Variants in SLC15A1 observed in about 807,000 individuals in gnomAD.
SLC15A1 encodes Caco-2 oligopeptide transporter.
Under a neutral mutation model 92.9 loss-of-function variants are expected in SLC15A1, and 83 were observed. The observed-to-expected ratio is 0.89, with a 90% CI of 0.75 to 1.07. The LOEUF is 1.07. Ranked by LOEUF, SLC15A1 falls within the 50% of genes least tolerant of loss-of-function variation. The pLI, the probability that SLC15A1 is intolerant of heterozygous loss-of-function variation, is 0.00. For missense variants in SLC15A1, 857 were observed against 880.1 expected (o/e 0.97, Z 0.33); for synonymous variants, 322 against 318.2 (o/e 1.01, Z -0.13).
intron 1 of SLC15A1, among the ~76,000 whole-genome samples, chr13:98,729,572 C>A (rs974057971): frequency 2.6e-5 from 4 of 152,214 alleles, no homozygotes; most frequent in Non-Finnish European, 4.4e-5. Flanking sequence ...ACCACGCCAG[C>A]TATCCAGAGC....
At chr13:98,694,509 G>A (rs2088006291) in intron 18 of SLC15A1, among the ~76,000 whole-genome samples, 1 of 151,744 alleles carries the variant, frequency 6.6e-6, no homozygotes, top group Non-Finnish European at 1.5e-5. Context: ...TACATAGTGG[G>A]TGCATGCTCA....
At position 98,728,057 on chromosome 13, in the gene SLC15A1, G is replaced by T. The variant is rs865832969; in HGVS notation, c.5-1198C>A. On this transcript the variant is annotated intron_variant, in intron 1 of 22. Coordinates refer to ENST00000376503, the MANE Select transcript of SLC15A1 (RefSeq NM_005073.4). Reference sequence around the variant, plus strand: ...TTCTAACAAGCTCCCAGGTGTGGGTGCTGCCACTGGTCCAGGCAGTGTGCT... The same window carrying T: ...TTCTAACAAGCTCCCAGGTGTGGGTTCTGCCACTGGTCCAGGCAGTGTGCT... Among the ~76,000 whole-genome samples the T allele has an allele frequency of 7.9e-5, 12 of 152,346 alleles. No individual in the cohort carries two copies. The South Asian group carries it at 2.1e-3, about 26-fold the overall frequency.
intron 15 of SLC15A1, 99 bp from the exon 16 acceptor site, chr13:98,706,352 G>A (rs543112654): frequency 1.5e-6 from 2 of 1,366,556 alleles, no homozygotes; most frequent in African/African-American, 3.0e-5. Flanking sequence ...GCTGGGAAAA[G>A]CTGCGCTGGC....
At chr13:98,734,408 T>A (rs2088373965) in intron 1 of SLC15A1, among the ~76,000 whole-genome samples, 1 of 152,140 alleles carries the variant, frequency 6.6e-6, no homozygotes, top group Non-Finnish European at 1.5e-5. Flanking sequence ...GAGATGAACC[T>A]GGTTCATCTC....
rs183021006 is a variant in SLC15A1, at chr13:98,724,324, C to A, written c.246-293G>T. ...TTCGACACCAGCCTGGGCAACATAG[C>A]AAGACCCCATCTCAACAAAAAAATA... On this transcript the variant is annotated intron_variant, in intron 4 of 22. Transcript: ENST00000376503. Among the ~76,000 whole-genome samples, 26 of 152,192 alleles carry A rather than the reference C, an allele frequency of 1.7e-4. No individual in the cohort carries two copies. In the East Asian group the frequency reaches 5.0e-3, roughly 29 times the overall value.
chr13:98,728,817 C>T (rs1433767577), intron 1 of SLC15A1, among the ~76,000 whole-genome samples: 2 of 151,390 alleles, frequency 1.3e-5, no homozygotes, highest in Non-Finnish European at 2.9e-5. Context: ...CCCATCTCTA[C>T]TAAAAACACA....
intron 1 of SLC15A1, among the ~76,000 whole-genome samples, chr13:98,746,539 C>G (rs1199287695): frequency 6.6e-6 from 1 of 152,120 alleles, no homozygotes; most frequent in Non-Finnish European, 1.5e-5. Context: ...AAAGGAAAAA[C>G]GTTTATTTCC....
At chr13:98,731,636 G>C (rs976947495) in intron 1 of SLC15A1, among the ~76,000 whole-genome samples, 2 of 152,114 alleles carry the variant, frequency 1.3e-5, no homozygotes, top group Non-Finnish European at 1.5e-5. Context: ...TGTTCCCAGG[G>C]CTTCATCACA....
chr13:98,695,168 C>T (rs896726946), intron 18 of SLC15A1, among the ~76,000 whole-genome samples: 3 of 152,000 alleles, frequency 2.0e-5, no homozygotes, highest in South Asian at 4.1e-4. Flanking sequence ...TGCTTAACAA[C>T]GTGTTGTTTA....
rs568747460 is a variant in SLC15A1, at chr13:98,688,378, T to C, written c.1575-22A>G. 3.1e-6 allele frequency: 5 copies of C among 1,606,518 alleles called. No individual in the cohort carries two copies. In the Admixed American group the frequency reaches 8.4e-5, roughly 27 times the overall value. On this transcript the variant is annotated intron_variant, in intron 19 of 22. Coordinates refer to ENST00000376503, the MANE Select transcript of SLC15A1 (RefSeq NM_005073.4). ...TTTTCTATCAAAATAAAGAATAATA[T>C]TGGTTAACATTCTTGGCATTAAAAA...
At chr13:98,726,304 G>C in intron 3 of SLC15A1, 40 bp from the exon 4 acceptor site, 1 of 1,613,172 alleles carries the variant, frequency 6.2e-7, no homozygotes, top group Non-Finnish European at 8.5e-7. Context: ...GGGAAACAAA[G>C]TTAGGACTGG....
Position 98,699,503 on chromosome 13 carries a change from T to G in SLC15A1, c.1466+2977A>C, listed in dbSNP as rs111288296. Reference sequence around the variant, plus strand: ...TCCCTTTTTTGCTGAGTGGTGGGTGTTTATGCATCCTCCATTGAAGGACAT... The same window carrying G: ...TCCCTTTTTTGCTGAGTGGTGGGTGGTTATGCATCCTCCATTGAAGGACAT... On this transcript the variant is annotated intron_variant, in intron 18 of 22. Transcript: ENST00000376503. Among the ~76,000 whole-genome samples, 36 of 152,136 alleles carry G rather than the reference T, an allele frequency of 2.4e-4. 1 individual carries two copies. Among genetic ancestry groups the G allele is most frequent in the African/African-American group, 8.7e-4 (36 of 41,380 alleles).
Position 98,719,282 on chromosome 13 carries a change from G to A in SLC15A1, c.595C>T (p.Pro199Ser), listed in dbSNP as rs895866918. Residue 199 changes from proline (P) to serine (S), a missense_variant, in exon 8 of 23, where the codon CCA becomes TCA. Transcript: ENST00000376503. ...GCAGCAGGAACCCCAAAGGCCAGTG[G>A]GTAACAAGCTTGTTTACTGTGAATT... ...CGIHSKQACY[P>S]LAFGVPAALM... is the part of the protein sequence containing the mutation. 1 of 1,613,740 alleles carries A rather than the reference G, an allele frequency of 6.2e-7. No individual in the cohort carries two copies. Among genetic ancestry groups the A allele is most frequent in the African/African-American group, 1.3e-5 (1 of 74,900 alleles).
At chr13:98,716,361 C>A (rs1372352826) in intron 8 of SLC15A1, among the ~76,000 whole-genome samples, 2 of 152,172 alleles carry the variant, frequency 1.3e-5, no homozygotes, top group African/African-American at 4.8e-5. Context: ...GTGGCTCAAG[C>A]CTGCAATCCC....
chr13:98,697,046 T>C (rs1433302159), intron 18 of SLC15A1, among the ~76,000 whole-genome samples: 2 of 151,956 alleles, frequency 1.3e-5, no homozygotes, highest in East Asian at 3.9e-4. Context: ...TGTGAGAAAA[T>C]TAATTTCTTT....
intron 1 of SLC15A1, among the ~76,000 whole-genome samples, chr13:98,727,921 C>T (rs1030476057): frequency 6.6e-5 from 10 of 152,192 alleles, no homozygotes; most frequent in African/African-American, 1.9e-4. Context: ...CAGTGGGTCT[C>T]ACACTGGAGT....
chr13:98,712,626 C>G, intron 9 of SLC15A1, 42 bp from the exon 10 acceptor site: 1 of 1,428,358 alleles, frequency 7.0e-7, no homozygotes, highest in Non-Finnish European at 9.8e-7. Context: ...ACAGGACCAA[C>G]AACTTTGTCA....
At chr13:98,711,202 T>C (rs1433362354) in intron 11 of SLC15A1, among the ~76,000 whole-genome samples, 3 of 152,136 alleles carry the variant, frequency 2.0e-5, no homozygotes, top group African/African-American at 7.2e-5. Flanking sequence ...AGAGAAACAA[T>C]AGCTATTTTT....
intron 1 of SLC15A1, among the ~76,000 whole-genome samples, chr13:98,730,672 G>A (rs1372126680): frequency 1.3e-5 from 2 of 152,270 alleles, no homozygotes; most frequent in East Asian, 1.9e-4. Flanking sequence ...CGTTACGGGG[G>A]AGACGCGACT....
Sources: allele counts gnomAD v4.1 joint callset (sites outside exome capture counted in the v4.1 genomes callset), GRCh38; gene constraint gnomAD v4.1.1; transcripts MANE v1.5; gene names NCBI Gene and HGNC (gene_info 2026-07-23, HGNC 2026-07-21).